Variants in AGO2 observed in about 807,000 individuals in gnomAD.
AGO2 encodes argonaute RISC catalytic component 2.
In AGO2, 5 loss-of-function variants were observed where a neutral mutation model predicts 102.3. The ratio of observed to expected loss-of-function variants is 0.05; its 90% CI spans 0.03 to 0.10. AGO2 has a LOEUF of 0.10. AGO2 is among the 10% of genes least tolerant of loss of function. AGO2 has a pLI of 1.00. For missense variants in AGO2, 541 were observed against 1,183.7 expected (o/e 0.46, Z 7.97); for synonymous variants, 449 against 473.1 (o/e 0.95, Z 0.66).
At chr8:140,594,042 C>A (rs1162793770) in intron 1 of AGO2, among the ~76,000 whole-genome samples, 1 of 152,226 alleles carries the variant, frequency 6.6e-6, no homozygotes, top group Non-Finnish European at 1.5e-5. Flanking sequence ...CTAAGGGTTT[C>A]CTAAACTCTA....
At chr8:140,569,794 C>T (rs535430087) in intron 3 of AGO2, among the ~76,000 whole-genome samples, 17 of 152,308 alleles carry the variant, frequency 1.1e-4, no homozygotes, top group African/African-American at 3.8e-4. Flanking sequence ...TCTCTTTCCA[C>T]ACAGGGGCTG....
Position 140,562,412 on chromosome 8 carries a change from C to G in AGO2, c.518+41G>C, listed in dbSNP as rs748685726. ...ACCCTGCGGGGGGCCCTCGGAGCTG[C>G]AGGGGAGTCCCCCGCCCTTGGTCCC... On this transcript the variant is annotated intron_variant, in intron 4 of 18. Transcript: ENST00000220592. 4 of 1,581,974 alleles carry G rather than the reference C, an allele frequency of 2.5e-6. No individual in the cohort carries two copies. The South Asian group carries it at 4.5e-5, about 18-fold the overall frequency.
intron 4 of AGO2, among the ~76,000 whole-genome samples, chr8:140,561,802 C>T (rs549121815): frequency 1.6e-4 from 24 of 152,308 alleles, no homozygotes; most frequent in Admixed American, 9.1e-4. Context: ...GGCTTTGGTT[C>T]GAAAGAGATG....
rs756228387 is a variant in AGO2 at position 140,556,299 on chromosome 8, C to T, written c.1027-13G>A. 11 of 1,613,524 alleles carry T rather than the reference C, an allele frequency of 6.8e-6. No homozygotes were observed. Among genetic ancestry groups the T allele is most frequent in the African/African-American group, 6.7e-5 (5 of 74,896 alleles). ...CAATGTTACAGACCTGTGAAGAGGA[C>T]GTAGAGACAGGCCGTCAGTGCCGCA... On this transcript the variant is annotated splice_polypyrimidine_tract_variant and intron_variant, in intron 8 of 18. Transcript: ENST00000220592.
At chr8:140,595,568 A>G (rs1276774336) in intron 1 of AGO2, among the ~76,000 whole-genome samples, 2 of 145,314 alleles carry the variant, frequency 1.4e-5, no homozygotes, top group Non-Finnish European at 3.0e-5. Flanking sequence ...CAGCCTCCCA[A>G]ATAGCTGGGA....
rs574601682 is a variant in AGO2, at chr8:140,580,219, C to T, written c.215+4900G>A. 3.3e-5 allele frequency among the ~76,000 whole-genome samples: 5 copies of T among 152,378 alleles called. No homozygotes were observed. In the South Asian group the frequency reaches 6.2e-4, roughly 19 times the overall value. On this transcript the variant is annotated intron_variant, in intron 2 of 18. Coordinates refer to ENST00000220592, the MANE Select transcript of AGO2 (RefSeq NM_012154.5). ...GTCTTGCTTGCACCAAACCCCACCC[C>T]GGCAGCCCCGGGAAAGGGGTGGACT...
Position 140,544,164 on chromosome 8 carries a change from G to A in AGO2, c.1839+49C>T, listed in dbSNP as rs150369391. 153 of 1,528,244 alleles carry A rather than the reference G, an allele frequency of 1.0e-4. No individual in the cohort carries two copies. In the East Asian group the frequency reaches 1.1e-3, roughly 11 times the overall value. The allele number at this position is 1,528,244 out of a possible 1,614,324, so 94.7% of individuals were successfully genotyped here. A position where few individuals can be genotyped will look rare whatever the true frequency, so the allele number is the denominator to read the frequency against. ...GCTGTGACAGTGGGACTTCGACAGC[G>A]TCCTGCATGTTGTCAATGGAAGACC... is the stretch of plus-strand genomic sequence containing the variant. On this transcript the variant is annotated intron_variant, in intron 14 of 18. Transcript: ENST00000220592.
intron 5 of AGO2, among the ~76,000 whole-genome samples, chr8:140,559,826 C>T (rs542840517): frequency 1.5e-3 from 230 of 152,288 alleles, no homozygotes; most frequent in Admixed American, 3.0e-3. Context: ...TTCTGGTTAC[C>T]GTCTGGTGTA....
chr8:140,592,062 G>A (rs1481851134), intron 1 of AGO2: 1 of 151,710 alleles, frequency 6.6e-6, no homozygotes, highest in African/African-American at 2.4e-5. Context: ...GAAGGTTGCA[G>A]TGAACTGAGA....
In AGO2 at chr8:140,540,578, A is replaced by G. The variant is rs1019656580; in HGVS notation, c.2034+586T>C. ...GGGTGCTGCGTGTGCTCTCAACCAAAGACAGCAACGAAACTCCCCTCACCC... is the reference window on the plus strand; with the variant it reads ...GGGTGCTGCGTGTGCTCTCAACCAAGGACAGCAACGAAACTCCCCTCACCC... On this transcript the variant is annotated intron_variant, in intron 15 of 18. Transcript: ENST00000220592. The surrounding 1 kb of genome is among the most constrained non-coding windows in gnomAD (Gnocchi z 5.0). Among the ~76,000 whole-genome samples the G allele has an allele frequency of 2.1e-4, 32 of 152,090 alleles. No individual in the cohort carries two copies. The highest frequency in any genetic ancestry group is 7.5e-4 in the African/African-American group (31 of 41,408).
At chr8:140,607,287 G>A (rs1195774905) in intron 1 of AGO2, among the ~76,000 whole-genome samples, 2 of 151,282 alleles carry the variant, frequency 1.3e-5, no homozygotes, top group African/African-American at 4.8e-5. Flanking sequence ...TGAGCCAGTT[G>A]CAATGGTGTC....
intron 1 of AGO2, among the ~76,000 whole-genome samples, chr8:140,603,973 C>T (rs2073962451): frequency 1.3e-5 from 2 of 152,372 alleles, no homozygotes; most frequent in South Asian, 4.1e-4. Flanking sequence ...AGCTGCCCCT[C>T]CCTCAGGGTG....
rs2944766 is a variant in AGO2 at position 140,548,881 on chromosome 8, C to T, written c.1588+233G>A. On this transcript the variant is annotated intron_variant, in intron 12 of 18. Transcript: ENST00000220592. ...CCCATGTGCCAAGGCCTGTGCCACC[C>T]GAGGGTGCTGACTGCCCAGGACCAT... 0.63 allele frequency among the ~76,000 whole-genome samples: 96,427 copies of T among 152,172 alleles called. 32,230 individuals carry two copies. The highest frequency in any genetic ancestry group is 0.86 in the African/African-American group (35,807 of 41,560).
intron 2 of AGO2, among the ~76,000 whole-genome samples, chr8:140,577,481 T>G (rs561580033): frequency 2.0e-5 from 3 of 152,256 alleles, no homozygotes; most frequent in East Asian, 3.9e-4. Flanking sequence ...TAGGCCTACA[T>G]AAAGGTAATT....
intron 1 of AGO2, chr8:140,606,020 A>C (rs1340477140): frequency 1.3e-5 from 2 of 152,260 alleles, no homozygotes; most frequent in African/African-American, 4.8e-5. Context: ...AGTGCTATCA[A>C]CAAATTATGC....
In AGO2 at chr8:140,635,605, C is replaced by A. The variant is rs1236548749; in HGVS notation, c.-99G>T. 1 of 852,406 alleles carries A rather than the reference C, an allele frequency of 1.2e-6. No individual in the cohort carries two copies. 52.8% of individuals were successfully genotyped at this position (852,406 alleles called of 1,614,324 possible). ...CGAGGGAGCCGCCGGCCGCACGATC[C>A]GCCCCGGCGCGGCCGCCTCGCCAAA... On this transcript the variant is annotated 5_prime_UTR_variant, in exon 1 of 19. Coordinates refer to ENST00000220592, the MANE Select transcript of AGO2 (RefSeq NM_012154.5).
At chr8:140,607,488 A>G (rs1215321375) in intron 1 of AGO2, among the ~76,000 whole-genome samples, 2 of 15,430 alleles carry the variant, frequency 1.3e-4, no homozygotes, top group Non-Finnish European at 2.7e-4. Context: ...ATATATATAT[A>G]TATATATATA....
At position 140,527,624 on chromosome 8, in the gene AGO2, C is replaced by T. The variant is rs371649183; in HGVS notation, c.*4420G>A. 10 of 152,632 alleles carry T rather than the reference C, an allele frequency of 6.6e-5. No homozygotes were observed. Among genetic ancestry groups the T allele is most frequent in the African/African-American group, 9.6e-5 (4 of 41,488 alleles). The allele number at this position is 152,632 out of a possible 1,614,324, so 9.5% of individuals were successfully genotyped here. A position where few individuals can be genotyped will look rare whatever the true frequency, so the allele number is the denominator to read the frequency against. ...GCACGGCAGCTAGAGTGCAACTCCTCGGTCACTTTGGGGAAGGGCTTCAAA... is the reference window on the plus strand; with the variant it reads ...GCACGGCAGCTAGAGTGCAACTCCTTGGTCACTTTGGGGAAGGGCTTCAAA... On this transcript the variant is annotated 3_prime_UTR_variant, in exon 19 of 19. Transcript: ENST00000220592. This position sits in a 1 kb window ranked among gnomAD's most constrained non-coding sequence, Gnocchi z 6.0.
At chr8:140,551,471 A>G in intron 10 of AGO2, 35 bp from the exon 11 acceptor site, 2 of 1,485,702 alleles carry the variant, frequency 1.3e-6, no homozygotes, top group African/African-American at 1.4e-5. Flanking sequence ...TGAGAAAAAA[A>G]TGGAAAACAT....
Sources: gnomAD v4.1 joint callset for allele counts (sites outside exome capture counted in the v4.1 genomes callset) on GRCh38, gnomAD v4.1.1 for gene constraint, Gnocchi (gnomAD v3.1) non-coding constraint, MANE v1.5 for transcripts, NCBI Gene and HGNC (gene_info 2026-07-23, HGNC 2026-07-21) for gene names.